Variants in ROBO2 observed in about 807,000 individuals in gnomAD.
ROBO2 encodes the protein roundabout homolog 2.
ROBO2 carries 53 observed loss-of-function variants against 160.8 expected under a neutral mutation model. The observed-to-expected ratio is 0.33, with a 90% confidence interval of 0.26 to 0.41. The LOEUF (loss-of-function observed/expected upper bound fraction) is 0.41. Ranked by LOEUF, ROBO2 falls within the 10% of genes least tolerant of loss-of-function variation. ROBO2 has a pLI of 1.00. For synonymous variants in ROBO2, 664 were observed against 611.7 expected (o/e 1.09, Z -1.26); for missense variants, 1,577 against 1,722.4 (o/e 0.92, Z 1.49).
At chr3:77,179,287 A>G (rs1241471750) in intron 2 of ROBO2, among the ~76,000 whole-genome samples, 3 of 151,950 alleles carry the variant, frequency 2.0e-5, no homozygotes, top group South Asian at 2.1e-4. Flanking sequence ...TTGAATTGCT[A>G]TAGGCCAGTT....
chr3:75,991,271 T>G lies in ROBO2; in HGVS notation c.109+53669T>G, dbSNP rs1330241680. ...AGATACAAGATGACAGTTGATATGG[T>G]TTGGGTGTGTCCCCACCCAAATCTC... On this transcript the variant is annotated intron_variant, in intron 2 of 26. Transcript: ENST00000487694. Among the ~76,000 whole-genome samples, 4 of 152,082 alleles carry G rather than the reference T, an allele frequency of 2.6e-5. No individual in the cohort carries two copies. The South Asian group carries it at 6.2e-4, about 24-fold the overall frequency.
At chr3:75,924,777 C>T (rs1417721557) in intron 1 of ROBO2, among the ~76,000 whole-genome samples, 1 of 133,758 alleles carries the variant, frequency 7.5e-6, no homozygotes, top group East Asian at 2.5e-4. Flanking sequence ...CAAGCTCTGC[C>T]TCCCGGGTTC....
At chr3:77,532,602 C>T (rs2091826589) in intron 6 of ROBO2, among the ~76,000 whole-genome samples, 1 of 151,798 alleles carries the variant, frequency 6.6e-6, no homozygotes, top group African/African-American at 2.4e-5. Context: ...ATCAACTTCT[C>T]TATAATAATT....
chr3:76,259,673 C>A (rs7649525), intron 2 of ROBO2, among the ~76,000 whole-genome samples: 106,333 of 151,964 alleles, frequency 0.7, 41,103 homozygotes, highest in Non-Finnish European at 0.88. Flanking sequence ...TGTAGAGAAG[C>A]TTTGCTTTCA....
At chr3:76,945,124 G>A (rs997545755) in intron 2 of ROBO2, among the ~76,000 whole-genome samples, 2 of 152,036 alleles carry the variant, frequency 1.3e-5, no homozygotes, top group Non-Finnish European at 2.9e-5. Flanking sequence ...TCCTGACCTC[G>A]TGATCCGCCC....
intron 2 of ROBO2, among the ~76,000 whole-genome samples, chr3:76,619,062 C>G (rs1246021263): frequency 1.3e-5 from 2 of 150,456 alleles, no homozygotes; most frequent in South Asian, 2.2e-4. Flanking sequence ...AAAAATAGGC[C>G]GGGCGCGGTG....
chr3:76,257,920 G>A (rs1011173218), intron 2 of ROBO2, among the ~76,000 whole-genome samples: 1 of 152,118 alleles, frequency 6.6e-6, no homozygotes, highest in African/African-American at 2.4e-5. Context: ...TTATGCCTGT[G>A]CCATTGGAAA....
chr3:77,266,326 C>G (rs1378043077), intron 2 of ROBO2, among the ~76,000 whole-genome samples: 1 of 151,882 alleles, frequency 6.6e-6, no homozygotes, highest in Non-Finnish European at 1.5e-5. Context: ...CATTTCTGGC[C>G]ACCTTTAAGT....
intron 2 of ROBO2, among the ~76,000 whole-genome samples, chr3:76,966,676 T>C (rs1252806420): frequency 2.6e-5 from 4 of 152,230 alleles, no homozygotes; most frequent in African/African-American, 9.6e-5. Flanking sequence ...ACTATGTGAC[T>C]TCCAGCTAGT....
chr3:76,278,008 A>G (rs1708027074), intron 2 of ROBO2, among the ~76,000 whole-genome samples: 1 of 151,484 alleles, frequency 6.6e-6, no homozygotes, highest in South Asian at 2.1e-4. Context: ...TTGGCACTGT[A>G]TAGGAAATAG....
chr3:76,436,700 AAATT>A (rs1180348924), intron 2 of ROBO2, among the ~76,000 whole-genome samples: 21 of 152,284 alleles, frequency 1.4e-4, no homozygotes, highest in Non-Finnish European at 2.4e-4. Context: ...GAAAAAAAGA[AAATT>A]AAGAGAAATC....
intron 2 of ROBO2, among the ~76,000 whole-genome samples, chr3:76,949,396 T>C (rs1049253543): frequency 6.6e-6 from 1 of 152,218 alleles, no homozygotes; most frequent in Non-Finnish European, 1.5e-5. Context: ...TCTTGACTTA[T>C]CCTGACTGAA....
intron 2 of ROBO2, among the ~76,000 whole-genome samples, chr3:76,372,191 A>G (rs2108488480): frequency 6.6e-6 from 1 of 152,102 alleles, no homozygotes; most frequent in East Asian, 1.9e-4. Flanking sequence ...AACCAGGACT[A>G]TACATAAGTG....
chr3:76,230,748 T>C (rs562854545), intron 2 of ROBO2, among the ~76,000 whole-genome samples: 4 of 152,274 alleles, frequency 2.6e-5, no homozygotes, highest in Non-Finnish European at 5.9e-5. Context: ...CAGAAAGATA[T>C]GTTAAAGTCT....
At chr3:76,478,240 T>C (rs1010945850) in intron 2 of ROBO2, among the ~76,000 whole-genome samples, 5 of 137,666 alleles carry the variant, frequency 3.6e-5, no homozygotes, top group African/African-American at 8.0e-5. Flanking sequence ...CATGTGTTCT[T>C]ATTGTTCAAT....
chr3:76,100,679 A>G (rs1055568965), intron 2 of ROBO2, among the ~76,000 whole-genome samples: 9 of 151,798 alleles, frequency 5.9e-5, no homozygotes, highest in African/African-American at 2.2e-4. Flanking sequence ...ATGTTATACA[A>G]AGATGACTCT....
intron 9 of ROBO2, among the ~76,000 whole-genome samples, chr3:77,559,489 AG>A (rs2093249677): frequency 6.6e-6 from 1 of 152,142 alleles, no homozygotes. Flanking sequence ...TAGTGCATGA[AG>A]AAAATTTCAG....
chr3:76,411,629 C>T (rs1050112221), intron 2 of ROBO2, among the ~76,000 whole-genome samples: 1 of 152,092 alleles, frequency 6.6e-6, no homozygotes. Flanking sequence ...CACACATATC[C>T]AACTCTCCCT....
At chr3:76,895,957 C>A (rs1302190923) in intron 2 of ROBO2, among the ~76,000 whole-genome samples, 1 of 152,164 alleles carries the variant, frequency 6.6e-6, no homozygotes, top group Non-Finnish European at 1.5e-5. Flanking sequence ...CCTTGGACAG[C>A]CTGACTCGCC....
Sources: gnomAD v4.1 joint callset for allele counts (sites outside exome capture counted in the v4.1 genomes callset) on GRCh38, gnomAD v4.1.1 for gene constraint, MANE v1.5 for transcripts, NCBI Gene and HGNC (gene_info 2026-07-23, HGNC 2026-07-21) for gene names.